CEP83: variants seen among roughly 807,000 people sequenced by gnomAD.
CEP83 encodes centrosomal protein of 83 kDa.
In CEP83, 70 loss-of-function variants were observed where a neutral mutation model predicts 101.9. The observed-to-expected ratio is 0.69, with a 90% CI of 0.57 to 0.84. The LOEUF (loss-of-function observed/expected upper bound fraction) is 0.84. Ranked by LOEUF, CEP83 falls within the 40% of genes least tolerant of loss-of-function variation. The pLI is 0.00. For missense variants in CEP83, 715 were observed against 787.2 expected (o/e 0.91, Z 1.10); for synonymous variants, 264 against 267.9 (o/e 0.99, Z 0.14).
chr12:94,441,796 C>T (rs7302977), intron 1 of CEP83, among the ~76,000 whole-genome samples: 82,628 of 151,508 alleles, frequency 0.55, 22,549 homozygotes, highest in African/African-American at 0.57. Flanking sequence ...GCACCTGTAG[C>T]CCCAGCTACT....
chr12:94,358,404 C>T (rs978582863), intron 11 of CEP83, among the ~76,000 whole-genome samples: 32 of 152,142 alleles, frequency 2.1e-4, no homozygotes, highest in African/African-American at 7.0e-4. Flanking sequence ...ACAAAGTTCC[C>T]GCCAAACATT....
At chr12:94,303,851 A>G, downstream of CEP83, 1 of 1,610,444 alleles carries the variant, frequency 6.2e-7, no homozygotes, top group Non-Finnish European at 8.5e-7. Context: ...ATTTGCCTCC[A>G]TTGTCATCCT....
intron 6 of CEP83, among the ~76,000 whole-genome samples, chr12:94,380,659 T>C (rs909398176): frequency 6.6e-6 from 1 of 152,198 alleles, no homozygotes; most frequent in Non-Finnish European, 1.5e-5. Context: ...ATGGCTCATC[T>C]AAGGTCAGGA....
At chr12:94,400,780 A>T (rs552974430) in intron 6 of CEP83, 70 bp downstream of exon 6, 33 of 958,190 alleles carry the variant, frequency 3.4e-5, no homozygotes, top group Non-Finnish European at 4.2e-5. Context: ...TGAAATTTTT[A>T]AAAATATATA....
chr12:94,429,247 G>A lies in CEP83; in HGVS notation c.-102+6028C>T, dbSNP rs117499387. 7.5e-3 allele frequency among the ~76,000 whole-genome samples: 1,143 copies of A among 152,250 alleles called. 6 individuals are homozygous for A. The highest frequency in any genetic ancestry group is 0.012 in the Non-Finnish European group (795 of 68,010). ...GAGCCTGGAGAGAATTCCCAGTCAG[G>A]GGAAAGGGTAAATGAGAGATGCCCA... On this transcript the variant is annotated intron_variant, in intron 2 of 16. Coordinates refer to ENST00000397809, the MANE Select transcript of CEP83 (RefSeq NM_016122.3).
intron 6 of CEP83, among the ~76,000 whole-genome samples, chr12:94,395,309 A>G (rs2062816106): frequency 6.6e-6 from 1 of 152,128 alleles, no homozygotes; most frequent in Middle Eastern, 3.4e-3. Context: ...CGTTGTGCAC[A>G]TGTACCCTAG....
At chr12:94,281,626 G>T in the CEP83 span, among the ~76,000 whole-genome samples, 1 of 151,918 alleles carries the variant, frequency 6.6e-6, no homozygotes, top group Non-Finnish European at 1.5e-5. Context: ...TCACTATGTT[G>T]CCCAGGCTGG....
At chr12:94,337,403 T>C (rs2059495410) in intron 11 of CEP83, among the ~76,000 whole-genome samples, 1 of 152,190 alleles carries the variant, frequency 6.6e-6, no homozygotes, top group Non-Finnish European at 1.5e-5. Context: ...ACTCATTTTT[T>C]TTTGGAGAAA....
At chr12:94,359,823 C>CA (rs999108401) in intron 11 of CEP83, among the ~76,000 whole-genome samples, 2 of 151,560 alleles carry the variant, frequency 1.3e-5, no homozygotes, top group African/African-American at 2.4e-5. Context: ...AGGGACACAA[C>CA]AAAAAAAAGA....
At chr12:94,304,136 C>A, downstream of CEP83, 2 of 876,168 alleles carry the variant, frequency 2.3e-6, no homozygotes, top group South Asian at 3.4e-5. Context: ...CAGAACAGCT[C>A]TGGCATCCCA....
chr12:94,376,915 C>G (rs1593528222), intron 7 of CEP83, among the ~76,000 whole-genome samples: 1 of 151,770 alleles, frequency 6.6e-6, no homozygotes, highest in African/African-American at 2.4e-5. Context: ...AATTTTTGTA[C>G]TTTTTGTAGA....
chr12:94,301,278 A>G, the CEP83 span, among the ~76,000 whole-genome samples: 1 of 152,230 alleles, frequency 6.6e-6, no homozygotes, highest in Non-Finnish European at 1.5e-5. Context: ...ACCCAACTGC[A>G]GAATTCTGCC....
chr12:94,403,728 G>A (rs994271825), intron 4 of CEP83, among the ~76,000 whole-genome samples: 4 of 151,904 alleles, frequency 2.6e-5, no homozygotes, highest in African/African-American at 7.3e-5. Context: ...TATAGAACTC[G>A]TATTTTAATA....
At chr12:94,312,623 C>T in intron 15 of CEP83, 1 of 985,400 alleles carries the variant, frequency 1.0e-6, no homozygotes. Context: ...ATAGCTACAA[C>T]TGTCTTGTAC....
At chr12:94,331,974 T>C in intron 13 of CEP83, 145 bp from the exon 14 acceptor site, 1 of 659,128 alleles carries the variant, frequency 1.5e-6, no homozygotes, top group Non-Finnish European at 2.6e-6. Flanking sequence ...GGCCACTTGT[T>C]TGGAAATCCC....
chr12:94,401,482 C>T (rs1350314862), intron 5 of CEP83, among the ~76,000 whole-genome samples: 1 of 152,168 alleles, frequency 6.6e-6, no homozygotes, highest in Non-Finnish European at 1.5e-5. Flanking sequence ...GCAGCATCAT[C>T]TCTACTGACT....
At chr12:94,385,946 G>A (rs2062119149) in intron 6 of CEP83, among the ~76,000 whole-genome samples, 1 of 152,150 alleles carries the variant, frequency 6.6e-6, no homozygotes, top group African/African-American at 2.4e-5. Context: ...ATTCAGTACA[G>A]TGATATGCTT....
intron 8 of CEP83, among the ~76,000 whole-genome samples, chr12:94,371,683 T>C (rs139474204): frequency 2.6e-5 from 4 of 151,918 alleles, no homozygotes; most frequent in Non-Finnish European, 5.9e-5. Context: ...TAAAACCCCA[T>C]AAATACTGGA....
the CEP83 span, chr12:94,278,150 A>G: frequency 2.5e-6 from 1 of 397,620 alleles, no homozygotes; most frequent in South Asian, 1.8e-5. Flanking sequence ...TAAAACCAAA[A>G]AAAACAAAAC....
Sources: allele counts gnomAD v4.1 joint callset (sites outside exome capture counted in the v4.1 genomes callset), GRCh38; gene constraint gnomAD v4.1.1; transcripts MANE v1.5; gene names NCBI Gene and HGNC (gene_info 2026-07-23, HGNC 2026-07-21).